RETREG1: variants seen among roughly 807,000 people sequenced by gnomAD.
RETREG1 encodes the protein family with sequence similarity 134 member B.
Under a neutral mutation model 54.8 loss-of-function variants are expected in RETREG1, and 44 were observed. The ratio of observed to expected loss-of-function variants is 0.80; its 90% CI spans 0.63 to 1.03. The LOEUF (loss-of-function observed/expected upper bound fraction) is 1.03, where lower values mean the gene tolerates loss of function less well. Ranked by LOEUF, RETREG1 falls within the 50% of genes least tolerant of loss-of-function variation. The pLI is 0.00. For synonymous variants in RETREG1, 217 were observed against 238.5 expected (o/e 0.91, Z 0.83); for missense variants, 554 against 605.1 (o/e 0.92, Z 0.89).
chr5:16,573,735 G>GTTTT (rs3993826), intron 1 of RETREG1, among the ~76,000 whole-genome samples: 1,379 of 121,828 alleles, frequency 0.011, 80 homozygotes, highest in Middle Eastern at 0.022. Flanking sequence ...GGGTTTGTTT[G>GTTTT]TTTTTTGTTT....
intron 3 of RETREG1, among the ~76,000 whole-genome samples, chr5:16,558,339 C>T (rs957995232): frequency 6.6e-6 from 1 of 152,198 alleles, no homozygotes; most frequent in African/African-American, 2.4e-5. Flanking sequence ...CTTCCATCTT[C>T]ACCATGGGAT....
chr5:16,478,201 A>G (rs920373145), intron 6 of RETREG1, 103 bp from the exon 7 acceptor site: 5 of 719,550 alleles, frequency 6.9e-6, no homozygotes, highest in Non-Finnish European at 1.2e-5. Flanking sequence ...ATATTCTCCA[A>G]ATACAAATAT....
At chr5:16,508,594 A>G (rs1740054990) in intron 3 of RETREG1, 2 of 1,614,106 alleles carry the variant, frequency 1.2e-6, no homozygotes, top group Non-Finnish European at 8.5e-7. Context: ...CCTGGTCCAA[A>G]GTCTTCACCT....
At chr5:16,571,615 C>A (rs1197440891) in intron 2 of RETREG1, among the ~76,000 whole-genome samples, 2 of 151,850 alleles carry the variant, frequency 1.3e-5, no homozygotes, top group Non-Finnish European at 2.9e-5. Flanking sequence ...TGCTTTTAAA[C>A]CCTGAATTAG....
At chr5:16,584,569 C>T (rs1471743231) in intron 1 of RETREG1, among the ~76,000 whole-genome samples, 1 of 152,150 alleles carries the variant, frequency 6.6e-6, no homozygotes, top group Non-Finnish European at 1.5e-5. Flanking sequence ...AAGTCCAGAT[C>T]ATCACATTTT....
At chr5:16,542,670 T>G (rs1170811896) in intron 3 of RETREG1, among the ~76,000 whole-genome samples, 1 of 152,208 alleles carries the variant, frequency 6.6e-6, no homozygotes, top group Admixed American at 6.5e-5. Context: ...TACATTACTC[T>G]CAAAAGTCAA....
rs79851010 is a variant in RETREG1, at chr5:16,525,323, G to A, written c.458+40440C>T. On this transcript the variant is annotated intron_variant, in intron 3 of 8. Coordinates refer to ENST00000306320, the MANE Select transcript of RETREG1 (RefSeq NM_001034850.3). ...TTTGCGTCCTCCAGCCCCAACAGGT[G>A]GATGTGCGCGGGTAACACTGTGCTG... 7.8e-3 allele frequency among the ~76,000 whole-genome samples: 799 copies of A among 103,042 alleles called. 8 individuals carry two copies. Among genetic ancestry groups the A allele is most frequent in the African/African-American group, 0.024 (747 of 31,664 alleles). The allele number at this position is 103,042 out of a possible 152,430, so 67.6% of individuals were successfully genotyped here.
At chr5:16,564,181 T>A (rs917454218) in intron 3 of RETREG1, among the ~76,000 whole-genome samples, 13 of 152,232 alleles carry the variant, frequency 8.5e-5, no homozygotes, top group African/African-American at 3.1e-4. Flanking sequence ...TTACTACTGA[T>A]AAAACTCTAT....
In RETREG1 at chr5:16,520,131, G is replaced by C. The variant is rs150663670; in HGVS notation, c.459-36659C>G. On this transcript the variant is annotated intron_variant, in intron 3 of 8. Transcript: ENST00000306320. ...ACAGGCCAGCCCGGTGGGAGAGAAGGCCAGGAGAGCAGGACATGGACTTGC... is the reference window on the plus strand; with the variant it reads ...ACAGGCCAGCCCGGTGGGAGAGAAGCCCAGGAGAGCAGGACATGGACTTGC... Among the ~76,000 whole-genome samples the C allele has an allele frequency of 3.0e-3, 462 of 152,240 alleles. 2 individuals are homozygous for C. The highest frequency in any genetic ancestry group is 0.011 in the African/African-American group (439 of 41,548).
At chr5:16,599,941 G>A (rs1743006897) in intron 1 of RETREG1, among the ~76,000 whole-genome samples, 1 of 152,152 alleles carries the variant, frequency 6.6e-6, no homozygotes, top group Non-Finnish European at 1.5e-5. Flanking sequence ...CAAGGGTAAG[G>A]CCCCCAAAAG....
intron 1 of RETREG1, among the ~76,000 whole-genome samples, chr5:16,575,850 G>A (rs1212196948): frequency 1.3e-5 from 2 of 152,220 alleles, no homozygotes; most frequent in African/African-American, 4.8e-5. Context: ...AGAATAATCT[G>A]TATTTAGAAA....
intron 4 of RETREG1, among the ~76,000 whole-genome samples, chr5:16,482,436 T>C (rs1390325249): frequency 6.7e-6 from 1 of 149,128 alleles, no homozygotes; most frequent in Non-Finnish European, 1.5e-5. Flanking sequence ...GCCCCAAATA[T>C]AGGTATCTAT....
intron 1 of RETREG1, among the ~76,000 whole-genome samples, chr5:16,580,178 C>T (rs1742444065): frequency 6.6e-6 from 1 of 152,188 alleles, no homozygotes; most frequent in Non-Finnish European, 1.5e-5. Flanking sequence ...AGCTTCAGGA[C>T]ACCATGCATG....
intron 3 of RETREG1, among the ~76,000 whole-genome samples, chr5:16,559,175 T>C (rs1741789888): frequency 6.6e-6 from 1 of 152,138 alleles, no homozygotes; most frequent in African/African-American, 2.4e-5. Flanking sequence ...TCACTGGCCA[T>C]TTTCTGGAAG....
chr5:16,539,736 G>A (rs1220159427), intron 3 of RETREG1, among the ~76,000 whole-genome samples: 1 of 152,212 alleles, frequency 6.6e-6, no homozygotes, highest in South Asian at 2.1e-4. Flanking sequence ...AGGAGACGCT[G>A]TCATCACTTC....
intron 1 of RETREG1, among the ~76,000 whole-genome samples, chr5:16,573,948 T>C (rs1045111099): frequency 6.6e-6 from 1 of 152,132 alleles, no homozygotes; most frequent in Non-Finnish European, 1.5e-5. Context: ...GGTTTCACCG[T>C]GTTGGCCAGG....
In RETREG1 at chr5:16,572,195, T is replaced by C. The variant is rs139745736; in HGVS notation, c.321-93A>G. ...CTTCCTGCCACAGAAACAAAAAAGG[T>C]ATTCAATAATGATTTCACTTTTTTT... On this transcript the variant is annotated intron_variant, in intron 1 of 8. Transcript: ENST00000306320. 316 of 844,582 alleles carry C rather than the reference T, an allele frequency of 3.7e-4. 2 individuals carry two copies. In the African/African-American group the frequency reaches 4.8e-3, roughly 13 times the overall value. 52.3% of individuals were successfully genotyped at this position (844,582 alleles called of 1,614,324 possible). A position where few individuals can be genotyped will look rare whatever the true frequency, so the allele number is the denominator to read the frequency against.
At chr5:16,550,245 C>G (rs1031859799) in intron 3 of RETREG1, among the ~76,000 whole-genome samples, 7 of 150,522 alleles carry the variant, frequency 4.7e-5, no homozygotes, top group Admixed American at 6.7e-5. Flanking sequence ...CGACTTCCTT[C>G]CTTCTGCATA....
intron 3 of RETREG1, among the ~76,000 whole-genome samples, chr5:16,551,423 C>T (rs1238533322): frequency 1.3e-5 from 2 of 152,208 alleles, no homozygotes; most frequent in African/African-American, 2.4e-5. Flanking sequence ...TTTTCCCTGG[C>T]TTCCAAGCAT....
Sources: gnomAD v4.1 joint callset for allele counts (sites outside exome capture counted in the v4.1 genomes callset) on GRCh38, gnomAD v4.1.1 for gene constraint, MANE v1.5 for transcripts, NCBI Gene and HGNC (gene_info 2026-07-23, HGNC 2026-07-21) for gene names.